CERS1: variants seen among roughly 807,000 people sequenced by gnomAD.
CERS1 encodes ceramide synthase 1.
In CERS1, 16 loss-of-function variants were observed where a neutral mutation model predicts 35.7. The ratio of observed to expected loss-of-function variants is 0.45; its 90% CI spans 0.30 to 0.68. The LOEUF is 0.68. Among genes scored for constraint, CERS1 ranks in the 30% least tolerant of loss-of-function variants. CERS1 has a pLI of 0.08. For missense variants in CERS1, 454 were observed against 453.9 expected (o/e 1.00, Z 0.00); for synonymous variants, 243 against 201.6 (o/e 1.21, Z -1.74).
chr19:18,879,181 G>T, intron 5 of CERS1, 60 bp downstream of exon 5: 1 of 1,607,728 alleles, frequency 6.2e-7, no homozygotes, highest in Non-Finnish European at 8.5e-7. Flanking sequence ...CCTGAGGAGG[G>T]GACAGGGATT....
intron 4 of CERS1, among the ~76,000 whole-genome samples, chr19:18,879,845 GCCTC>G (rs1332202267): frequency 1.0e-5 from 1 of 100,062 alleles, no homozygotes; most frequent in African/African-American, 3.9e-5. Flanking sequence ...CCTGCACAGC[GCCTC>G]CCTTTCTCTG....
At chr19:18,882,769 TGCAACCTCCGCCTCCCG>T (rs1283362654) in intron 3 of CERS1, among the ~76,000 whole-genome samples, 12 of 152,150 alleles carry the variant, frequency 7.9e-5, no homozygotes, top group Non-Finnish European at 1.3e-4. Flanking sequence ...CTCGGCTCAC[TGCAACCTCCGCCTCCCG>T]GGTTCATGCC....
rs2055947228 is a variant in CERS1 at position 18,870,406 on chromosome 19, C to A, written c.*171G>T. ...CGGTGTCCCCGGAGGGGCAGGGGTC[C>A]TGGGGGGCGTGGCCGGGAACTGGAG... On this transcript the variant is annotated 3_prime_UTR_variant, in exon 7 of 8. Coordinates refer to ENST00000623882, the MANE Select transcript of CERS1 (RefSeq NM_021267.5). The surrounding 1 kb of genome is among the most constrained non-coding windows in gnomAD (Gnocchi z 5.1). The A allele has an allele frequency of 7.7e-7, 1 of 1,292,066 alleles. No individual in the cohort carries two copies. Among genetic ancestry groups the A allele is most frequent in the Non-Finnish European group, 1.1e-6 (1 of 949,232 alleles). 80.0% of individuals were successfully genotyped at this position (1,292,066 alleles called of 1,614,324 possible). A position where few individuals can be genotyped will look rare whatever the true frequency, so the allele number is the denominator to read the frequency against.
In CERS1 at chr19:18,869,284, C is replaced by T. The variant is rs1202390182; in HGVS notation, c.*701G>A. 4 of 1,502,886 alleles carry T rather than the reference C, an allele frequency of 2.7e-6. No individual in the cohort carries two copies. Among genetic ancestry groups the T allele is most frequent in the Non-Finnish European group, 3.5e-6 (4 of 1,133,820 alleles). 93.1% of individuals were successfully genotyped at this position (1,502,886 alleles called of 1,614,324 possible). The stretch of plus-strand genomic sequence containing the variant: ...CCGCGAAACGCAGCTCCAGGCGGGC[C>T]CGGCTCGGGCGCTCAGCGGGTTCCA... On this transcript the variant is annotated 3_prime_UTR_variant, in exon 8 of 8. Coordinates refer to ENST00000623882, the MANE Select transcript of CERS1 (RefSeq NM_021267.5).
At chr19:18,886,404 C>T (rs1040187004) in intron 2 of CERS1, among the ~76,000 whole-genome samples, 1 of 152,004 alleles carries the variant, frequency 6.6e-6, no homozygotes, top group Non-Finnish European at 1.5e-5. Flanking sequence ...AAAAAATTAG[C>T]CGGGTGTGGT....
chr19:18,872,537 C>T (rs1414935680), intron 6 of CERS1, among the ~76,000 whole-genome samples: 23 of 143,388 alleles, frequency 1.6e-4, no homozygotes, highest in Middle Eastern at 3.9e-3. Flanking sequence ...TTTTTTGAGA[C>T]GAAGTCTCGC....
intron 2 of CERS1, among the ~76,000 whole-genome samples, chr19:18,886,058 C>T (rs1322669842): frequency 6.6e-6 from 1 of 152,186 alleles, no homozygotes; most frequent in Non-Finnish European, 1.5e-5. Context: ...CCACCACGTC[C>T]ACCTCCTCCT....
At position 18,870,154 on chromosome 19, in the gene CERS1, C is replaced by T; in HGVS notation, c.*423G>A. 6.4e-7 allele frequency: 1 copy of T among 1,559,348 alleles called. No homozygotes were observed. Among genetic ancestry groups the T allele is most frequent in the Non-Finnish European group, 8.6e-7 (1 of 1,157,642 alleles). ...GGGGGAACCGGCCGGAGCCTGGGGG[C>T]ACCCTGGGGCTCATCGCGCAGTCCT... On this transcript the variant is annotated 3_prime_UTR_variant, in exon 7 of 8. Transcript: ENST00000623882. This position sits in a 1 kb window ranked among gnomAD's most constrained non-coding sequence, Gnocchi z 5.1.
At chr19:18,880,979 G>A (rs1007024805) in intron 3 of CERS1, among the ~76,000 whole-genome samples, 5 of 151,922 alleles carry the variant, frequency 3.3e-5, no homozygotes, top group East Asian at 3.9e-4. Context: ...GATTACAGGC[G>A]CGAGCCACTG....
Position 18,879,336 on chromosome 19 carries a change from G to A in CERS1, c.805C>T (p.His269Tyr), listed in dbSNP as rs2056136065. The stretch of plus-strand genomic sequence containing the variant: ...TCAGGCACCGTGCGCAGACTGCAGT[G>A]ACTGGTGGCATACAGGACCTTGAGC... ...FPLKVLYATSHCSLRTVPDIP... is the reference protein window; with the variant it reads ...FPLKVLYATSYCSLRTVPDIP... The change falls in exon 5 of 8, where the codon CAC becomes TAC. Residue 269 changes from histidine to tyrosine, a missense_variant. Physicochemically the swap from His to Tyr is moderately conservative, Grantham distance 83. Transcript: ENST00000623882. 6.2e-7 allele frequency: 1 copy of A among 1,604,412 alleles called. No homozygotes were observed. The highest frequency in any genetic ancestry group is 8.5e-7 in the Non-Finnish European group (1 of 1,175,758).
In CERS1 at chr19:18,870,346, G is replaced by C. The variant is rs2055945901; in HGVS notation, c.*231C>G. Reference sequence around the variant, plus strand: ...GATGACCAGAGAGTGCGCAGGGTCCGCGGCGGCCCGGGACCAGTGGGCTGA... The same window carrying C: ...GATGACCAGAGAGTGCGCAGGGTCCCCGGCGGCCCGGGACCAGTGGGCTGA... On this transcript the variant is annotated 3_prime_UTR_variant, in exon 7 of 8. Transcript: ENST00000623882. This position sits in a 1 kb window ranked among gnomAD's most constrained non-coding sequence, Gnocchi z 5.1. 3 of 1,541,886 alleles carry C rather than the reference G, an allele frequency of 1.9e-6. No homozygotes were observed. The highest frequency in any genetic ancestry group is 8.7e-7 in the Non-Finnish European group (1 of 1,145,584).
chr19:18,890,504 G>C (rs74253301), intron 2 of CERS1, among the ~76,000 whole-genome samples: 13,398 of 152,262 alleles, frequency 0.088, 647 homozygotes, highest in Middle Eastern at 0.12. Flanking sequence ...AAGGCTGGAC[G>C]AGGTGGCTCA....
intron 6 of CERS1, among the ~76,000 whole-genome samples, chr19:18,877,710 G>A (rs1300239477): frequency 1.3e-5 from 2 of 148,332 alleles, no homozygotes; most frequent in East Asian, 2.0e-4. Flanking sequence ...AGCCGAGATC[G>A]TGCCACTGCA....
At chr19:18,875,231 C>A (rs2056039633) in intron 6 of CERS1, among the ~76,000 whole-genome samples, 2 of 139,664 alleles carry the variant, frequency 1.4e-5, no homozygotes. Flanking sequence ...GTGGGACCGT[C>A]TCTAAAAAAA....
rs1313416968 is a variant in CERS1 at position 18,879,275 on chromosome 19, A to C, written c.866T>G (p.Leu289Arg). The change falls in exon 5 of 8, where the codon CTG becomes CGG. Residue 289 changes from leucine to arginine, a missense_variant. Coordinates refer to ENST00000623882, the MANE Select transcript of CERS1 (RefSeq NM_021267.5). ...PFYFFFNALLLLLTLMNLYWF... is the reference protein window; with the variant it reads ...PFYFFFNALLRLLTLMNLYWF... The stretch of plus-strand genomic sequence containing the variant: ...GTAGAGGTTCATAAGGGTGAGCAGC[A>C]GCAGGAGCGCATTGAAGAAGAAGTA... The C allele has an allele frequency of 6.2e-7, 1 of 1,613,502 alleles. No homozygotes were observed. The highest frequency in any genetic ancestry group is 1.3e-5 in the African/African-American group (1 of 74,898).
At chr19:18,885,404 C>T (rs1308268077) in intron 2 of CERS1, among the ~76,000 whole-genome samples, 2 of 151,516 alleles carry the variant, frequency 1.3e-5, no homozygotes, top group Non-Finnish European at 2.9e-5. Context: ...GCCATGTTGC[C>T]CAGGGTGATC....
At chr19:18,882,525 G>A (rs916097390) in intron 3 of CERS1, among the ~76,000 whole-genome samples, 4 of 151,500 alleles carry the variant, frequency 2.6e-5, no homozygotes, top group African/African-American at 9.7e-5. Flanking sequence ...CCAGCTACTT[G>A]GGAGGCTGAG....
chr19:18,895,064 G>A lies in CERS1; in HGVS notation c.249+760C>T, dbSNP rs1768728712. ...AGGGGCGATGGTCTCCGCAGAAACT[G>A]GGGAATTCTGCTGTCGCCTCTTGGA... On this transcript the variant is annotated intron_variant, in intron 1 of 7. Coordinates refer to ENST00000623882, the MANE Select transcript of CERS1 (RefSeq NM_021267.5). The surrounding 1 kb of genome is among the most constrained non-coding windows in gnomAD (Gnocchi z 6.4). 6.6e-6 allele frequency among the ~76,000 whole-genome samples: 1 copy of A among 152,234 alleles called. No individual in the cohort carries two copies. Among genetic ancestry groups the A allele is most frequent in the African/African-American group, 2.4e-5 (1 of 41,470 alleles).
intron 4 of CERS1, 84 bp from the exon 5 acceptor site, chr19:18,879,472 C>T: frequency 2.7e-6 from 4 of 1,470,202 alleles, no homozygotes; most frequent in Non-Finnish European, 3.7e-6. Flanking sequence ...CTAGACCCAC[C>T]CTTGCCCCCT....
Sources: allele counts gnomAD v4.1 joint callset (sites outside exome capture counted in the v4.1 genomes callset), GRCh38; gene constraint gnomAD v4.1.1; non-coding constraint Gnocchi (gnomAD v3.1); transcripts MANE v1.5; gene names NCBI Gene and HGNC (gene_info 2026-07-23, HGNC 2026-07-21).